Variants in UACA observed in about 807,000 individuals in gnomAD.
The protein encoded by UACA is uveal autoantigen with coiled-coil domains and ankyrin repeats, also known as nuclear membrane binding protein.
A neutral mutation model predicts 160.5 loss-of-function variants in UACA; 112 were observed. That is an observed-to-expected ratio of 0.70 (90% confidence interval 0.60 to 0.82). The LOEUF (loss-of-function observed/expected upper bound fraction) is 0.82, where lower values mean the gene tolerates loss of function less well. Ranked by LOEUF, UACA falls within the 40% of genes least tolerant of loss-of-function variation. The pLI is 0.00. For missense variants in UACA, 1,574 were observed against 1,614.6 expected, an observed-to-expected ratio of 0.97 and a Z score of 0.43; for synonymous variants, 557 against 568.4, an observed-to-expected ratio of 0.98 and a Z score of 0.29.
rs558827796 is a variant in UACA, at chr15:70,753,276, A to C, written c.78+10054T>G. ...CCCTGGAAATCAAAAACATGGATTA[A>C]GCCAAACTATTTTTTTCTATCACAT... On this transcript the variant is annotated intron_variant, in intron 1 of 18. Transcript: ENST00000322954. Among the ~76,000 whole-genome samples the C allele has an allele frequency of 8.5e-5, 13 of 152,340 alleles. No homozygotes were observed. The East Asian group carries it at 2.5e-3, about 29-fold the overall frequency.
chr15:70,695,217 C>T, intron 2 of UACA, 112 bp from the exon 3 acceptor site: 1 of 645,592 alleles, frequency 1.5e-6, no homozygotes, highest in Non-Finnish European at 2.5e-6. Flanking sequence ...AACACACACA[C>T]ATTTTAAAGG....
chr15:70,672,155 AAAC>A (rs1197667825), intron 13 of UACA, among the ~76,000 whole-genome samples, 154 bp from the exon 14 acceptor site: 1 of 152,182 alleles, frequency 6.6e-6, no homozygotes, highest in Admixed American at 6.5e-5. Context: ...CCACAAAAAG[AAAC>A]AACACTAGCA....
intron 1 of UACA, among the ~76,000 whole-genome samples, chr15:70,753,660 G>A (rs2030229465): frequency 6.6e-6 from 1 of 152,166 alleles, no homozygotes; most frequent in African/African-American, 2.4e-5. Flanking sequence ...TTAGAACAAT[G>A]CCTGGGAAAT....
intron 17 of UACA, among the ~76,000 whole-genome samples, chr15:70,662,173 C>T (rs1896731951): frequency 6.6e-6 from 1 of 152,166 alleles, no homozygotes; most frequent in Admixed American, 6.5e-5. Flanking sequence ...TCTCAGGGTA[C>T]AAAATCAATG....
chr15:70,665,027 C>T (rs937801751), intron 16 of UACA: 10 of 396,618 alleles, frequency 2.5e-5, no homozygotes, highest in Admixed American at 1.3e-4. Context: ...AAAAGCAATA[C>T]CAAATTAAGA....
At chr15:70,670,746 G>A (rs75534989) in intron 15 of UACA, among the ~76,000 whole-genome samples, 2,385 of 151,920 alleles carry the variant, frequency 0.016, 56 homozygotes, top group African/African-American at 0.056. Flanking sequence ...GGGCAAATAT[G>A]AAGAGTTAAC....
chr15:70,661,930 A>G (rs1029498999), intron 17 of UACA, among the ~76,000 whole-genome samples: 6 of 152,238 alleles, frequency 3.9e-5, no homozygotes, highest in African/African-American at 1.4e-4. Flanking sequence ...AACTGGAAGC[A>G]TTCCCTTTGA....
chr15:70,662,531 C>T (rs1242242480), intron 17 of UACA, among the ~76,000 whole-genome samples: 1 of 151,960 alleles, frequency 6.6e-6, no homozygotes, highest in Non-Finnish European at 1.5e-5. Context: ...CATATGGAAC[C>T]AAAAAAGAGC....
At chr15:70,673,548 C>T (rs774314465) in intron 13 of UACA, among the ~76,000 whole-genome samples, 2 of 152,164 alleles carry the variant, frequency 1.3e-5, no homozygotes, top group African/African-American at 4.8e-5. Flanking sequence ...TTTACAATAA[C>T]TACTAAATGG....
At chr15:70,690,730 C>T (rs1897904747) in intron 4 of UACA, among the ~76,000 whole-genome samples, 1 of 151,810 alleles carries the variant, frequency 6.6e-6, no homozygotes, top group Non-Finnish European at 1.5e-5. Context: ...ACATATGGTA[C>T]ATTATAATGA....
chr15:70,682,326 T>C (rs1198594707), intron 9 of UACA, among the ~76,000 whole-genome samples: 1 of 152,144 alleles, frequency 6.6e-6, no homozygotes, highest in Non-Finnish European at 1.5e-5. Context: ...ATATAATCAG[T>C]TTAGAACTCT....
Position 70,678,145 on chromosome 15 carries a change from C to G in UACA, c.953G>C (p.Arg318Thr). Residue 318 changes from arginine to threonine, a missense_variant, in exon 11 of 19, where the codon AGA (arginine) becomes ACA (threonine). Arg to Thr is a moderately conservative substitution (Grantham distance 71). Transcript: ENST00000322954. ...ERLRKIQQEQ[R>T]ILLDKVNGLQ... is the part of the protein sequence containing the mutation. ...ACCATTGACTTTATCCAAAAGTATT[C>G]TTTGTTCTTGCTGAATTTTTCTCAA... The G allele has an allele frequency of 1.2e-6, 2 of 1,610,230 alleles. No homozygotes were observed. The highest frequency in any genetic ancestry group is 8.5e-7 in the Non-Finnish European group (1 of 1,179,074).
rs773588553 is a variant in UACA at position 70,664,797 on chromosome 15, A to G, written c.3978T>C (p.Asn1326=). Residue 1326 remains asparagine (N), a synonymous_variant, in exon 17 of 19, where the codon AAT becomes AAC. Coordinates refer to ENST00000322954, the MANE Select transcript of UACA (RefSeq NM_018003.4). ...GTGCCTGTTTTAATCTTTCCACATC[A>G]TTAAGCAGTTCAGTTATCTTTAAAA... ...AKDNKITELL[N]DVERLKQALN... is the part of the protein sequence containing the mutation. 1.2e-6 allele frequency: 2 copies of G among 1,612,464 alleles called. No homozygotes were observed. Among genetic ancestry groups the G allele is most frequent in the South Asian group, 1.1e-5 (1 of 90,924 alleles).
upstream of UACA, among the ~76,000 whole-genome samples, chr15:70,767,273 A>C (rs1174099287): frequency 8.1e-6 from 1 of 123,060 alleles, no homozygotes; most frequent in Non-Finnish European, 1.7e-5. Context: ...ACAAAAACAA[A>C]AACAACAACA....
At chr15:70,764,500 CA>C (rs770414629), upstream of UACA, among the ~76,000 whole-genome samples, 153 of 152,264 alleles carry the variant, frequency 1.0e-3, no homozygotes, top group Non-Finnish European at 2.0e-3. Flanking sequence ...TTCCCCCCAG[CA>C]AAACGTTTAT....
chr15:70,710,050 G>A (rs1440318474), intron 1 of UACA, among the ~76,000 whole-genome samples: 1 of 152,120 alleles, frequency 6.6e-6, no homozygotes, highest in South Asian at 2.1e-4. Flanking sequence ...TTGAGCCCAG[G>A]AGTTGAGACC....
chr15:70,657,400 C>T (rs1369833305), intron 18 of UACA, among the ~76,000 whole-genome samples: 1 of 152,038 alleles, frequency 6.6e-6, no homozygotes, highest in Non-Finnish European at 1.5e-5. Flanking sequence ...CATTTGAGGT[C>T]AGGAGTTCGA....
intron 1 of UACA, among the ~76,000 whole-genome samples, chr15:70,720,021 T>C (rs1056338546): frequency 3.3e-5 from 5 of 152,118 alleles, no homozygotes; most frequent in Non-Finnish European, 7.4e-5. Context: ...ATGTTGGAGG[T>C]CAGCCTGGTG....
chr15:70,753,081 A>C (rs1452852845), intron 1 of UACA, among the ~76,000 whole-genome samples: 1 of 152,210 alleles, frequency 6.6e-6, no homozygotes, highest in Non-Finnish European at 1.5e-5. Flanking sequence ...CTATAGTGAG[A>C]CAGACATTAC....
Sources: allele counts gnomAD v4.1 joint callset (sites outside exome capture counted in the v4.1 genomes callset), GRCh38; gene constraint gnomAD v4.1.1; transcripts MANE v1.5; gene names NCBI Gene and HGNC (gene_info 2026-07-23, HGNC 2026-07-21).